The following HS6ST3 variants were observed in gnomAD, a reference collection of about 807,000 sequenced individuals.
The protein encoded by HS6ST3 is heparan sulfate 6-O-sulfotransferase 3, also known as heparan-sulfate 6-O-sulfotransferase 3.
A neutral mutation model predicts 36.7 loss-of-function variants in HS6ST3; 12 were observed. The ratio of observed to expected loss-of-function variants is 0.33; its 90% confidence interval spans 0.21 to 0.53. The LOEUF is 0.53. Among genes scored for constraint, HS6ST3 ranks in the 20% least tolerant of loss-of-function variants. The pLI is 0.95. For synonymous variants in HS6ST3, 240 were observed against 257.5 expected (o/e 0.93, Z 0.65); for missense variants, 584 against 640.9 (o/e 0.91, Z 0.96).
At chr13:96,111,565 G>A (rs1257189074) in intron 1 of HS6ST3, among the ~76,000 whole-genome samples, 1 of 152,046 alleles carries the variant, frequency 6.6e-6, no homozygotes, top group Non-Finnish European at 1.5e-5. Context: ...CTTTTTTTCT[G>A]ACCTCTGGAA....
At chr13:96,831,695 C>T (rs1878785241) in intron 1 of HS6ST3, among the ~76,000 whole-genome samples, 1 of 152,092 alleles carries the variant, frequency 6.6e-6, no homozygotes, top group African/African-American at 2.4e-5. Context: ...TGGCTCATGC[C>T]TGTAATCCCA....
chr13:96,712,238 T>C (rs1875580057), intron 1 of HS6ST3, among the ~76,000 whole-genome samples: 1 of 152,190 alleles, frequency 6.6e-6, no homozygotes, highest in Non-Finnish European at 1.5e-5. Flanking sequence ...TTGAATCAAA[T>C]GGAGGTGAAT....
chr13:96,828,699 A>G lies in HS6ST3; in HGVS notation c.708-3791A>G, dbSNP rs74110230. 7.0e-3 allele frequency among the ~76,000 whole-genome samples: 1,064 copies of G among 152,300 alleles called. 17 individuals are homozygous for G. Among genetic ancestry groups the G allele is most frequent in the African/African-American group, 0.024 (991 of 41,566 alleles). On this transcript the variant is annotated intron_variant, in intron 1 of 1. Coordinates refer to ENST00000376705, the MANE Select transcript of HS6ST3 (RefSeq NM_153456.4). ...ATGGGTTAGACTCTTACTTAGTGCC[A>G]TGCCTGGCACTTCACAAGTTTGCTA...
At chr13:96,772,234 C>T (rs1318675631) in intron 1 of HS6ST3, among the ~76,000 whole-genome samples, 1 of 152,170 alleles carries the variant, frequency 6.6e-6, no homozygotes, top group Non-Finnish European at 1.5e-5. Flanking sequence ...GGGCCTCCTG[C>T]CCATTCCCAG....
chr13:96,258,906 T>C (rs1379283546), intron 1 of HS6ST3, among the ~76,000 whole-genome samples: 1 of 152,110 alleles, frequency 6.6e-6, no homozygotes, highest in African/African-American at 2.4e-5. Flanking sequence ...ATGAGTGCAC[T>C]GTAGAGTCTG....
chr13:96,831,487 T>C (rs1878780110), intron 1 of HS6ST3, among the ~76,000 whole-genome samples: 1 of 152,162 alleles, frequency 6.6e-6, no homozygotes, highest in Admixed American at 6.5e-5. Flanking sequence ...TTTTAAAAAG[T>C]AACAATAAAA....
At chr13:96,705,797 C>T (rs951859049) in intron 1 of HS6ST3, among the ~76,000 whole-genome samples, 1 of 152,180 alleles carries the variant, frequency 6.6e-6, no homozygotes, top group African/African-American at 2.4e-5. Flanking sequence ...AGGCAGCATG[C>T]TCAGTCTCCG....
chr13:96,407,772 T>C (rs991565260), intron 1 of HS6ST3, among the ~76,000 whole-genome samples: 2 of 152,152 alleles, frequency 1.3e-5, no homozygotes, highest in African/African-American at 4.8e-5. Flanking sequence ...TAATTTTAAG[T>C]AAAATAACAA....
At chr13:96,117,215 A>G (rs2053897875) in intron 1 of HS6ST3, among the ~76,000 whole-genome samples, 1 of 152,194 alleles carries the variant, frequency 6.6e-6, no homozygotes, top group Non-Finnish European at 1.5e-5. Context: ...TTATTTCTGT[A>G]GCATGAAAGA....
chr13:96,331,535 C>A (rs528394331), intron 1 of HS6ST3, among the ~76,000 whole-genome samples: 11 of 152,098 alleles, frequency 7.2e-5, no homozygotes, highest in Admixed American at 4.6e-4. Flanking sequence ...GCAGTCTGCC[C>A]GTTCTCAGAT....
At chr13:96,685,101 C>A (rs564016528) in intron 1 of HS6ST3, among the ~76,000 whole-genome samples, 1 of 152,220 alleles carries the variant, frequency 6.6e-6, no homozygotes, top group East Asian at 1.9e-4. Context: ...GCCTGGTTCT[C>A]TTAATCTGAC....
chr13:96,097,419 G>T (rs576632284), intron 1 of HS6ST3, among the ~76,000 whole-genome samples: 1 of 152,152 alleles, frequency 6.6e-6, no homozygotes, highest in African/African-American at 2.4e-5. Context: ...AAATCCTAAT[G>T]TGATTTTAAG....
In HS6ST3 at chr13:96,212,063, G is replaced by A. The variant is rs531213553; in HGVS notation, c.707+120494G>A. ...AACTTAAACACTTACATCAAAAGGA[G>A]CTTTTGTCTGACTGGTCAATTGCTG... On this transcript the variant is annotated intron_variant, in intron 1 of 1. Transcript: ENST00000376705. 3.9e-5 allele frequency among the ~76,000 whole-genome samples: 6 copies of A among 152,282 alleles called. No homozygotes were observed. The South Asian group carries it at 1.2e-3, about 32-fold the overall frequency.
At chr13:96,332,827 T>C (rs1189963424) in intron 1 of HS6ST3, among the ~76,000 whole-genome samples, 1 of 152,214 alleles carries the variant, frequency 6.6e-6, no homozygotes, top group Non-Finnish European at 1.5e-5. Context: ...TATTTGTATC[T>C]CCCCCAAATT....
chr13:96,495,880 G>A lies in HS6ST3; in HGVS notation c.708-336610G>A, dbSNP rs181323793. Among the ~76,000 whole-genome samples the A allele has an allele frequency of 9.9e-5, 15 of 152,256 alleles. No homozygotes were observed. In the South Asian group the frequency reaches 1.0e-3, roughly 11 times the overall value. On this transcript the variant is annotated intron_variant, in intron 1 of 1. Transcript: ENST00000376705. ...ATGTATTCTCCCATATATTGCCCTCGTGAAGAGCGCAGTAGTTCCTTTCCC... is the reference window on the plus strand; with the variant it reads ...ATGTATTCTCCCATATATTGCCCTCATGAAGAGCGCAGTAGTTCCTTTCCC...
intron 1 of HS6ST3, among the ~76,000 whole-genome samples, chr13:96,343,439 A>G (rs1053366700): frequency 6.6e-6 from 1 of 152,094 alleles, no homozygotes; most frequent in Admixed American, 6.5e-5. Context: ...CCCTTCTCAT[A>G]TTGTGTCACT....
At chr13:96,183,763 C>T (rs1021907852) in intron 1 of HS6ST3, among the ~76,000 whole-genome samples, 12 of 152,126 alleles carry the variant, frequency 7.9e-5, no homozygotes, top group East Asian at 5.8e-4. Context: ...TTCCAGGACC[C>T]GGGGGAAGGG....
At chr13:96,305,837 C>T (rs1387767757) in intron 1 of HS6ST3, among the ~76,000 whole-genome samples, 1 of 151,242 alleles carries the variant, frequency 6.6e-6, no homozygotes, top group Admixed American at 6.6e-5. Flanking sequence ...TTGCCTTTCC[C>T]CCTTAGTTAA....
intron 1 of HS6ST3, among the ~76,000 whole-genome samples, chr13:96,614,033 T>C (rs549212209): frequency 2.2e-4 from 33 of 152,088 alleles, no homozygotes; most frequent in Non-Finnish European, 4.7e-4. Context: ...GCGCGGTGGC[T>C]CACCCCTGTA....
Sources: allele counts gnomAD v4.1 joint callset (sites outside exome capture counted in the v4.1 genomes callset), GRCh38; gene constraint gnomAD v4.1.1; transcripts MANE v1.5; gene names NCBI Gene and HGNC (gene_info 2026-07-23, HGNC 2026-07-21).